NMNAT3: variants seen among roughly 807,000 people sequenced by gnomAD.
The protein encoded by NMNAT3 is nicotinamide nucleotide adenylyltransferase 3.
NMNAT3 carries 21 observed loss-of-function variants against 24.8 expected under a neutral mutation model. The observed-to-expected ratio is 0.85, with a 90% CI of 0.60 to 1.22. NMNAT3 has a LOEUF of 1.22. NMNAT3 is among the 50% of genes most tolerant of loss of function. The pLI, the probability that NMNAT3 is intolerant of heterozygous loss-of-function variation, is 0.00. For missense variants in NMNAT3, 387 were observed against 436.6 expected, an observed-to-expected ratio of 0.89 and a Z score of 1.01; for synonymous variants, 136 against 155.2, an observed-to-expected ratio of 0.88 and a Z score of 0.92.
intron 6 of NMNAT3, among the ~76,000 whole-genome samples, chr3:139,564,322 A>C (rs1365779744): frequency 6.6e-6 from 1 of 152,208 alleles, no homozygotes; most frequent in Non-Finnish European, 1.5e-5. Flanking sequence ...AGGACATGAG[A>C]GATGAAGCAT....
At chr3:139,596,645 T>C (rs1379416521) in intron 3 of NMNAT3, among the ~76,000 whole-genome samples, 1 of 151,984 alleles carries the variant, frequency 6.6e-6, no homozygotes, top group Non-Finnish European at 1.5e-5. Context: ...GTTAGTCTTC[T>C]GGGAGAGCCT....
chr3:139,628,008 A>G (rs2056132058), intron 2 of NMNAT3, among the ~76,000 whole-genome samples: 1 of 152,134 alleles, frequency 6.6e-6, no homozygotes, highest in African/African-American at 2.4e-5. Flanking sequence ...CAGCTCAGGG[A>G]CCTTAGAAGC....
chr3:139,662,040 G>C (rs1009775344), intron 1 of NMNAT3, among the ~76,000 whole-genome samples: 1 of 152,142 alleles, frequency 6.6e-6, no homozygotes, highest in Non-Finnish European at 1.5e-5. Flanking sequence ...CAAGAAGCAA[G>C]TGTGTCCCAT....
intron 1 of NMNAT3, among the ~76,000 whole-genome samples, chr3:139,638,346 C>T (rs1179025437): frequency 1.3e-5 from 2 of 152,174 alleles, no homozygotes; most frequent in Non-Finnish European, 2.9e-5. Context: ...CTCTCCCTGC[C>T]TCTGCCCATA....
intron 1 of NMNAT3, among the ~76,000 whole-genome samples, chr3:139,675,163 CGT>C (rs2057890800): frequency 9.9e-5 from 15 of 151,478 alleles, no homozygotes; most frequent in African/African-American, 2.4e-4. Flanking sequence ...CACACACACA[CGT>C]GCACATATAC....
intron 1 of NMNAT3, among the ~76,000 whole-genome samples, chr3:139,655,452 C>T (rs1417900247): frequency 1.3e-5 from 2 of 152,202 alleles, no homozygotes; most frequent in Non-Finnish European, 1.5e-5. Context: ...AGTAAGTCTG[C>T]CTTCCCTTCC....
At chr3:139,582,207 A>G (rs1400356268) in intron 4 of NMNAT3, among the ~76,000 whole-genome samples, 9 of 150,884 alleles carry the variant, frequency 6.0e-5, no homozygotes, top group East Asian at 1.9e-4. Context: ...AAAAAAAAAA[A>G]AAAAAAAGAA....
chr3:139,664,818 C>A (rs949620096), intron 1 of NMNAT3, among the ~76,000 whole-genome samples: 2 of 152,146 alleles, frequency 1.3e-5, no homozygotes, highest in African/African-American at 2.4e-5. Flanking sequence ...TAGAATTTTT[C>A]CTCCTTAATT....
intron 1 of NMNAT3, among the ~76,000 whole-genome samples, chr3:139,666,100 G>T (rs1022869401): frequency 1.3e-5 from 2 of 152,184 alleles, no homozygotes; most frequent in African/African-American, 4.8e-5. Flanking sequence ...AGACATGTTG[G>T]AGACCTGTGG....
intron 3 of NMNAT3, among the ~76,000 whole-genome samples, chr3:139,623,826 C>T (rs2055915495): frequency 1.3e-5 from 2 of 152,312 alleles, no homozygotes; most frequent in African/African-American, 2.4e-5. Context: ...CCTGATCTGC[C>T]TGCATTGGCC....
intron 3 of NMNAT3, among the ~76,000 whole-genome samples, chr3:139,594,581 G>A (rs369912791): frequency 3.7e-4 from 56 of 152,258 alleles, no homozygotes; most frequent in African/African-American, 1.3e-3. Context: ...CTGGCAAACC[G>A]AATCCAGCAG....
intron 1 of NMNAT3, among the ~76,000 whole-genome samples, chr3:139,639,692 T>C (rs2056632611): frequency 6.6e-6 from 1 of 152,178 alleles, no homozygotes; most frequent in Non-Finnish European, 1.5e-5. Flanking sequence ...GCTGTTGCCA[T>C]GAGTAATAAA....
intron 1 of NMNAT3, among the ~76,000 whole-genome samples, chr3:139,656,429 C>T (rs1416821311): frequency 1.3e-5 from 2 of 152,148 alleles, no homozygotes; most frequent in Non-Finnish European, 2.9e-5. Context: ...TGTGACTGCT[C>T]AGTCCTGGGG....
chr3:139,644,926 G>A (rs145761833), intron 1 of NMNAT3, among the ~76,000 whole-genome samples: 168 of 152,276 alleles, frequency 1.1e-3, no homozygotes, highest in African/African-American at 3.7e-3. Flanking sequence ...GCTCGCGGCC[G>A]GGAGTGGTGG....
In NMNAT3 at chr3:139,650,440, A is replaced by G. The variant is rs186073583; in HGVS notation, c.-140-12378T>C. On this transcript the variant is annotated intron_variant, in intron 1 of 6. Transcript: ENST00000643695. ...TTAACTTTGTTGGTTTTGTGCTCCC[A>G]TTTGCAGAATGTTAACATGTGGTCT... is the stretch of plus-strand genomic sequence containing the variant. Among the ~76,000 whole-genome samples the G allele has an allele frequency of 1.8e-3, 280 of 152,322 alleles. 1 individual carries two copies. Among genetic ancestry groups the G allele is most frequent in the Non-Finnish European group, 1.6e-3 (109 of 68,030 alleles).
rs760627364 is a variant in NMNAT3, at chr3:139,627,608, T to C, written c.109+8A>G. ...TTCTTCTGTTGGACTCAGGGCCCCC[T>C]GACTGACCTGTTTGGTGTAGGTGAT... On this transcript the variant is annotated splice_region_variant and intron_variant, in intron 3 of 6. Transcript: ENST00000643695. The C allele has an allele frequency of 1.3e-6, 2 of 1,553,452 alleles. No individual in the cohort carries two copies. The highest frequency in any genetic ancestry group is 1.8e-5 in the Admixed American group (1 of 56,228).
chr3:139,648,795 AAG>A (rs1249734972), intron 1 of NMNAT3, among the ~76,000 whole-genome samples: 1 of 152,240 alleles, frequency 6.6e-6, no homozygotes, highest in African/African-American at 2.4e-5. Context: ...AGCTATTAAA[AAG>A]AGTGACGTAC....
intron 1 of NMNAT3, among the ~76,000 whole-genome samples, chr3:139,667,621 T>C (rs568935547): frequency 6.6e-6 from 1 of 152,328 alleles, no homozygotes; most frequent in African/African-American, 2.4e-5. Flanking sequence ...TGCCTCTGAA[T>C]GAGACCCAGA....
At chr3:139,659,025 C>T (rs1328028440) in intron 1 of NMNAT3, among the ~76,000 whole-genome samples, 1 of 152,208 alleles carries the variant, frequency 6.6e-6, no homozygotes. Context: ...TAGAATCACA[C>T]TGTCTGGTCT....
Sources: allele counts gnomAD v4.1 joint callset (sites outside exome capture counted in the v4.1 genomes callset), GRCh38; gene constraint gnomAD v4.1.1; transcripts MANE v1.5; gene names NCBI Gene and HGNC (gene_info 2026-07-23, HGNC 2026-07-21).